SCARA5: variants seen among roughly 807,000 people sequenced by gnomAD.
SCARA5 encodes scavenger receptor class A member 5.
Under a neutral mutation model 46.3 loss-of-function variants are expected in SCARA5, and 45 were observed. The ratio of observed to expected loss-of-function variants is 0.97; its 90% CI spans 0.76 to 1.24. SCARA5 has a LOEUF of 1.24. SCARA5 is among the 50% of genes most tolerant of loss of function. SCARA5 has a pLI of 0.00. For missense variants in SCARA5, 680 were observed against 689.0 expected, an observed-to-expected ratio of 0.99 and a Z score of 0.15; for synonymous variants, 333 against 306.5, an observed-to-expected ratio of 1.09 and a Z score of -0.90.
chr8:27,899,639 C>G (rs750046189), intron 7 of SCARA5, among the ~76,000 whole-genome samples: 3 of 152,256 alleles, frequency 2.0e-5, no homozygotes, highest in Non-Finnish European at 4.4e-5. Flanking sequence ...CCCAGAGGCT[C>G]AAGCCTAAAC....
intron 7 of SCARA5, among the ~76,000 whole-genome samples, chr8:27,900,532 C>T (rs1194249638): frequency 6.6e-6 from 1 of 152,158 alleles, no homozygotes; most frequent in Admixed American, 6.5e-5. Flanking sequence ...TGAATGATAA[C>T]CATCAACAAA....
chr8:27,985,264 G>C lies in SCARA5; in HGVS notation c.112+2240C>G, dbSNP rs370543642. Among the ~76,000 whole-genome samples the C allele has an allele frequency of 3.4e-4, 52 of 152,292 alleles. 2 individuals carry two copies. Among genetic ancestry groups the C allele is most frequent in the East Asian group, 2.9e-3 (15 of 5,188 alleles). The stretch of plus-strand genomic sequence containing the variant: ...GAAGGTGGGAGCTGAGCTAAGTCCT[G>C]GGGGAGGTGAGAGCATGGACCAAGT... On this transcript the variant is annotated intron_variant, in intron 2 of 8. Coordinates refer to ENST00000354914, the MANE Select transcript of SCARA5 (RefSeq NM_173833.6).
chr8:27,902,481 G>A (rs1563518086), intron 7 of SCARA5, among the ~76,000 whole-genome samples: 1 of 152,168 alleles, frequency 6.6e-6, no homozygotes, highest in Non-Finnish European at 1.5e-5. Flanking sequence ...CCACAGCATG[G>A]GGAACGCCCT....
intron 3 of SCARA5, among the ~76,000 whole-genome samples, chr8:27,925,316 G>A (rs978192066): frequency 1.3e-5 from 2 of 152,116 alleles, no homozygotes; most frequent in Non-Finnish European, 2.9e-5. Flanking sequence ...CAGAGCAGAC[G>A]CCTCAGAAAT....
At chr8:27,969,417 G>A (rs142656771) in intron 2 of SCARA5, among the ~76,000 whole-genome samples, 19 of 152,246 alleles carry the variant, frequency 1.2e-4, no homozygotes, top group African/African-American at 4.1e-4. Context: ...GCTACATACC[G>A]TATGATTCTA....
chr8:27,879,883 T>C, intron 7 of SCARA5, 117 bp from the exon 8 acceptor site: 1 of 946,284 alleles, frequency 1.1e-6, no homozygotes, highest in South Asian at 1.6e-5. Flanking sequence ...GGGGCCCAGC[T>C]GTATCAAGAC....
At chr8:27,986,859 A>G (rs954659191) in intron 2 of SCARA5, among the ~76,000 whole-genome samples, 3 of 152,222 alleles carry the variant, frequency 2.0e-5, no homozygotes, top group African/African-American at 4.8e-5. Context: ...CCTCTCTGAC[A>G]TGTGCTGCAT....
chr8:27,936,088 T>C (rs1051307919), intron 3 of SCARA5, among the ~76,000 whole-genome samples: 15 of 152,146 alleles, frequency 9.9e-5, no homozygotes, highest in African/African-American at 3.6e-4. Flanking sequence ...CCCAGAGCTT[T>C]CAGCTGTAGC....
At chr8:27,872,583 G>T (rs114339102) in intron 8 of SCARA5, among the ~76,000 whole-genome samples, 1 of 152,184 alleles carries the variant, frequency 6.6e-6, no homozygotes, top group African/African-American at 2.4e-5. Context: ...GGCCCCTTCC[G>T]CCACCTCCTT....
chr8:27,945,173 A>G (rs555186131), intron 3 of SCARA5, among the ~76,000 whole-genome samples: 3 of 151,948 alleles, frequency 2.0e-5, no homozygotes, highest in Non-Finnish European at 4.4e-5. Flanking sequence ...AAAAAATAAT[A>G]ATAAATTGAA....
chr8:27,902,254 C>G (rs1406771468), intron 7 of SCARA5, among the ~76,000 whole-genome samples: 1 of 152,148 alleles, frequency 6.6e-6, no homozygotes, highest in Admixed American at 6.5e-5. Context: ...CTGTCCAGAG[C>G]TGATGTCACC....
intron 2 of SCARA5, among the ~76,000 whole-genome samples, chr8:27,986,317 C>T (rs897031325): frequency 6.6e-6 from 1 of 152,204 alleles, no homozygotes; most frequent in East Asian, 1.9e-4. Flanking sequence ...CCAGAAAGCC[C>T]TCTGCTCGCC....
intron 4 of SCARA5, among the ~76,000 whole-genome samples, chr8:27,914,949 G>A (rs998679142): frequency 1.3e-5 from 2 of 152,212 alleles, no homozygotes; most frequent in Admixed American, 6.5e-5. Flanking sequence ...AACACATGAC[G>A]GGGTAGGGGA....
At chr8:27,959,315 C>T (rs118073331) in intron 3 of SCARA5, among the ~76,000 whole-genome samples, 2 of 152,230 alleles carry the variant, frequency 1.3e-5, no homozygotes, top group Admixed American at 6.5e-5. Flanking sequence ...CACACTCCCC[C>T]CTGGCTAGGC....
At chr8:27,979,795 A>G (rs1172128578) in intron 2 of SCARA5, among the ~76,000 whole-genome samples, 3 of 152,122 alleles carry the variant, frequency 2.0e-5, no homozygotes, top group South Asian at 4.1e-4. Flanking sequence ...TCCTGAGTTC[A>G]GGCAATCCAC....
chr8:27,935,125 A>G (rs1343948870), intron 3 of SCARA5, among the ~76,000 whole-genome samples: 6 of 152,212 alleles, frequency 3.9e-5, no homozygotes, highest in African/African-American at 1.2e-4. Context: ...AGAAGCAACC[A>G]AGGCTGCTGA....
intron 7 of SCARA5, among the ~76,000 whole-genome samples, chr8:27,895,964 C>A (rs1011731462): frequency 1.3e-5 from 2 of 152,198 alleles, no homozygotes; most frequent in Non-Finnish European, 2.9e-5. Flanking sequence ...CAGTCCTGAA[C>A]CAGGAGCTCA....
intron 7 of SCARA5, among the ~76,000 whole-genome samples, chr8:27,884,857 T>C (rs995683070): frequency 8.5e-5 from 13 of 152,120 alleles, no homozygotes; most frequent in Middle Eastern, 3.4e-3. Flanking sequence ...ACCATAATTA[T>C]AGCCAAGCGG....
At chr8:27,892,883 G>A (rs991145359) in intron 7 of SCARA5, among the ~76,000 whole-genome samples, 2 of 152,186 alleles carry the variant, frequency 1.3e-5, no homozygotes, top group Non-Finnish European at 2.9e-5. Context: ...TGGGATTACA[G>A]GCGTGAGCCA....
Sources: allele counts gnomAD v4.1 joint callset (sites outside exome capture counted in the v4.1 genomes callset), GRCh38; gene constraint gnomAD v4.1.1; transcripts MANE v1.5; gene names NCBI Gene and HGNC (gene_info 2026-07-23, HGNC 2026-07-21).